Variants in EPHA7 observed in about 807,000 individuals in gnomAD.
EPHA7 encodes the protein ephrin type-A receptor 7.
In EPHA7, 25 loss-of-function variants were observed where a neutral mutation model predicts 112.6. The observed-to-expected ratio is 0.22, with a 90% confidence interval of 0.16 to 0.31. The LOEUF (loss-of-function observed/expected upper bound fraction) is 0.31, where lower values mean the gene tolerates loss of function less well. Ranked by LOEUF, EPHA7 falls within the 10% of genes least tolerant of loss-of-function variation. The probability of loss-of-function intolerance (pLI) is 1.00; values close to 1 mark genes in which losing one functional copy is unlikely to be tolerated. For synonymous variants in EPHA7, 437 were observed against 406.5 expected, an observed-to-expected ratio of 1.07 and a Z score of -0.90; for missense variants, 962 against 1,212.6, an observed-to-expected ratio of 0.79 and a Z score of 3.07.
intron 3 of EPHA7, among the ~76,000 whole-genome samples, chr6:93,385,705 T>C (rs958641531): frequency 5.9e-5 from 9 of 152,052 alleles, no homozygotes; most frequent in African/African-American, 1.7e-4. Flanking sequence ...GAGATGGTGA[T>C]GTGTGGATGG....
chr6:93,302,003 G>A (rs866428129), intron 5 of EPHA7, among the ~76,000 whole-genome samples: 2 of 152,068 alleles, frequency 1.3e-5, no homozygotes, highest in Non-Finnish European at 1.5e-5. Flanking sequence ...TTACTTCTGA[G>A]AGCACATAGC....
chr6:93,269,739 C>T, intron 6 of EPHA7, 79 bp from the exon 7 acceptor site: 1 of 1,176,628 alleles, frequency 8.5e-7, no homozygotes, highest in Admixed American at 2.6e-5. Context: ...CAATTTAATT[C>T]AATTTGCTCC....
chr6:93,342,544 C>A (rs1775192569), intron 5 of EPHA7, among the ~76,000 whole-genome samples: 1 of 151,606 alleles, frequency 6.6e-6, no homozygotes, highest in African/African-American at 2.4e-5. Flanking sequence ...CTGGAGTAAT[C>A]AAATAGAGTT....
chr6:93,409,460 T>C (rs1778871426), intron 3 of EPHA7, among the ~76,000 whole-genome samples: 1 of 152,012 alleles, frequency 6.6e-6, no homozygotes, highest in Non-Finnish European at 1.5e-5. Flanking sequence ...GTAAAGGAAA[T>C]GGAGGATGTC....
At position 93,364,715 on chromosome 6, in the gene EPHA7, G is replaced by C. The variant is rs1776425051; in HGVS notation, c.833-6304C>G. 2.6e-5 allele frequency among the ~76,000 whole-genome samples: 4 copies of C among 151,858 alleles called. No individual in the cohort carries two copies. The South Asian group carries it at 8.3e-4, about 32-fold the overall frequency. Reference sequence around the variant, plus strand: ...CATTTAGGTAAAAGAAATTACCTATGTACAACTACTGTGTACTCACAAAAA... The same window carrying C: ...CATTTAGGTAAAAGAAATTACCTATCTACAACTACTGTGTACTCACAAAAA... On this transcript the variant is annotated intron_variant, in intron 3 of 16. Transcript: ENST00000369303.
chr6:93,296,750 G>C (rs564224071), intron 5 of EPHA7, among the ~76,000 whole-genome samples: 1 of 151,816 alleles, frequency 6.6e-6, no homozygotes, highest in Middle Eastern at 3.4e-3. Context: ...AGCAGACACT[G>C]ATACATACTT....
At chr6:93,357,146 C>CT in intron 4 of EPHA7, 94 bp from the exon 5 acceptor site, 1 of 933,192 alleles carries the variant, frequency 1.1e-6, no homozygotes, top group Admixed American at 2.9e-5. Flanking sequence ...GGGCATTAAG[C>CT]TAGTGGCTCA....
In EPHA7 at chr6:93,245,964, T is replaced by C. The variant is rs1769926740; in HGVS notation, c.2727-511A>G. 2.0e-5 allele frequency among the ~76,000 whole-genome samples: 3 copies of C among 152,212 alleles called. 1 individual carries two copies. The highest frequency in any genetic ancestry group is 6.5e-5 in the Admixed American group (1 of 15,276). On this transcript the variant is annotated intron_variant, in intron 15 of 16. Coordinates refer to ENST00000369303, the MANE Select transcript of EPHA7 (RefSeq NM_004440.4). ...GTCTGAGGCTGAATAACTATTAACA[T>C]GCATTACAATCAAGCAAGCCAAATG...
chr6:93,323,405 A>G (rs1175048085), intron 5 of EPHA7, among the ~76,000 whole-genome samples: 2 of 151,434 alleles, frequency 1.3e-5, no homozygotes, highest in Non-Finnish European at 3.0e-5. Flanking sequence ...ACCATCCACC[A>G]CTTCTTACAG....
At chr6:93,339,247 T>G (rs1775025716) in intron 5 of EPHA7, among the ~76,000 whole-genome samples, 3 of 151,756 alleles carry the variant, frequency 2.0e-5, no homozygotes, top group African/African-American at 7.2e-5. Context: ...GATTGGTATT[T>G]AAAAGTGTCA....
intron 5 of EPHA7, among the ~76,000 whole-genome samples, chr6:93,318,537 G>A (rs902440430): frequency 2.0e-4 from 31 of 151,916 alleles, no homozygotes; most frequent in Non-Finnish European, 4.3e-4. Context: ...TTTAAAAAAT[G>A]ACCTTAATCT....
In EPHA7 at chr6:93,356,752, A is replaced by G. The variant is rs199839585; in HGVS notation, c.1289T>C (p.Leu430Pro). 2.5e-6 allele frequency: 4 copies of G among 1,613,760 alleles called. No individual in the cohort carries two copies. In the East Asian group the frequency reaches 8.9e-5, roughly 36 times the overall value. Reference sequence around the variant, plus strand: ...AGTGGTGATACTGACAGCAGCAAAGAGCCTCTGGGATCGGCTTAAGTCAGA... The same window carrying G: ...AGTGGTGATACTGACAGCAGCAAAGGGCCTCTGGGATCGGCTTAAGTCAGA... ...GVSDLSRSQRLFAAVSITTGQ... is the reference protein window; with the variant it reads ...GVSDLSRSQRPFAAVSITTGQ... Residue 430 changes from leucine to proline, a missense_variant, in exon 5 of 17, where the codon CTC (leucine) becomes CCC (proline). Transcript: ENST00000369303.
intron 3 of EPHA7, among the ~76,000 whole-genome samples, chr6:93,395,575 TCACACA>T (rs4053540): frequency 0.016 from 2,380 of 145,514 alleles, 39 homozygotes; most frequent in African/African-American, 0.045. Flanking sequence ...TTTACTTATT[TCACACA>T]CACACACACA....
intron 3 of EPHA7, among the ~76,000 whole-genome samples, chr6:93,361,646 C>G (rs564103051): frequency 1.1e-4 from 16 of 152,152 alleles, no homozygotes; most frequent in Non-Finnish European, 2.1e-4. Flanking sequence ...AGCTGGTTTT[C>G]TGGAAACTAC....
chr6:93,313,054 TATA>T (rs1278547877), intron 5 of EPHA7, among the ~76,000 whole-genome samples: 6 of 152,068 alleles, frequency 3.9e-5, no homozygotes, highest in Non-Finnish European at 7.4e-5. Context: ...CTATGAAAAT[TATA>T]ATAATAATAA....
chr6:93,407,737 T>C (rs1778789684), intron 3 of EPHA7, among the ~76,000 whole-genome samples: 1 of 152,018 alleles, frequency 6.6e-6, no homozygotes. Context: ...AATTTTATTT[T>C]ATTTTTAAAT....
intron 5 of EPHA7, among the ~76,000 whole-genome samples, chr6:93,338,877 C>T (rs1445181021): frequency 6.6e-6 from 1 of 150,462 alleles, no homozygotes; most frequent in African/African-American, 2.4e-5. Flanking sequence ...TATTGTAATA[C>T]ATATTACATA....
chr6:93,409,716 G>T (rs1271012942), intron 3 of EPHA7: 7 of 151,276 alleles, frequency 4.6e-5, no homozygotes, highest in Non-Finnish European at 8.8e-5. Context: ...AATCTTGAAG[G>T]TCCATATGAC....
intron 3 of EPHA7, among the ~76,000 whole-genome samples, chr6:93,362,494 A>C (rs990964076): frequency 1.3e-5 from 2 of 152,140 alleles, no homozygotes; most frequent in Non-Finnish European, 2.9e-5. Context: ...ATTTAAGAAT[A>C]AAAAAGCACC....
Sources: allele counts gnomAD v4.1 joint callset (sites outside exome capture counted in the v4.1 genomes callset), GRCh38; gene constraint gnomAD v4.1.1; transcripts MANE v1.5; gene names NCBI Gene and HGNC (gene_info 2026-07-23, HGNC 2026-07-21).